SRGAP2C: variants seen among roughly 807,000 people sequenced by gnomAD.
SRGAP2C encodes the protein SLIT-ROBO Rho GTPase-activating protein 2C.
SRGAP2C carries 15 observed loss-of-function variants against 25.1 expected under a neutral mutation model. The observed-to-expected ratio is 0.60, with a 90% CI of 0.40 to 0.92. The LOEUF (loss-of-function observed/expected upper bound fraction) is 0.92. Among genes scored for constraint, SRGAP2C ranks in the 40% least tolerant of loss-of-function variants. The probability of loss-of-function intolerance (pLI) is 0.00; values close to 1 mark genes in which losing one functional copy is unlikely to be tolerated. For synonymous variants in SRGAP2C, 44 were observed against 96.6 expected, an observed-to-expected ratio of 0.46 and a Z score of 3.19; for missense variants, 144 against 264.4, an observed-to-expected ratio of 0.54 and a Z score of 3.16.
chr1:121,280,018 T>A (rs2101562224), intron 2 of SRGAP2C, among the ~76,000 whole-genome samples: 1 of 152,008 alleles, frequency 6.6e-6, no homozygotes, highest in East Asian at 1.9e-4. Flanking sequence ...TTTAATCTTT[T>A]TTTTCAGTGA....
At chr1:121,225,628 C>T (rs1255919269) in intron 2 of SRGAP2C, among the ~76,000 whole-genome samples, 1 of 135,988 alleles carries the variant, frequency 7.4e-6, no homozygotes, top group Non-Finnish European at 1.6e-5. Context: ...TTTGAACTTT[C>T]TTGACTTAGT....
At chr1:121,270,514 G>T (rs868969871) in intron 2 of SRGAP2C, among the ~76,000 whole-genome samples, 1 of 127,632 alleles carries the variant, frequency 7.8e-6, no homozygotes, top group Admixed American at 8.3e-5. Flanking sequence ...TTTATTTATT[G>T]TCTTCCTCTG....
intron 5 of SRGAP2C, among the ~76,000 whole-genome samples, chr1:121,370,646 G>C (rs1553350784): frequency 6.6e-6 from 1 of 152,046 alleles, no homozygotes; most frequent in Non-Finnish European, 1.5e-5. Context: ...GGGTTTCATT[G>C]TGTTAACCAG....
At chr1:121,201,565 A>C (rs1249827786) in intron 2 of SRGAP2C, among the ~76,000 whole-genome samples, 2 of 152,274 alleles carry the variant, frequency 1.3e-5, no homozygotes, top group Non-Finnish European at 2.9e-5. Context: ...AAGAAAAGGC[A>C]TATGCACACT....
At chr1:121,208,231 A>G (rs587738812) in intron 2 of SRGAP2C, among the ~76,000 whole-genome samples, 1 of 152,238 alleles carries the variant, frequency 6.6e-6, no homozygotes, top group East Asian at 1.9e-4. Context: ...CCTATATAAC[A>G]CTGGCTCAAG....
intron 3 of SRGAP2C, among the ~76,000 whole-genome samples, chr1:121,296,154 G>T (rs1424296046): frequency 6.6e-6 from 1 of 150,486 alleles, no homozygotes; most frequent in African/African-American, 2.5e-5. Flanking sequence ...TAAGTTTAAG[G>T]TGTTGGAAGA....
At chr1:121,283,621 A>C in intron 2 of SRGAP2C, among the ~76,000 whole-genome samples, 1 of 147,396 alleles carries the variant, frequency 6.8e-6, no homozygotes, top group Middle Eastern at 3.4e-3. Context: ...AAGGAAAGGC[A>C]TAATATAGGT....
chr1:121,210,097 C>G lies in SRGAP2C; in HGVS notation c.67+22584C>G, dbSNP rs587644572. Among the ~76,000 whole-genome samples the G allele has an allele frequency of 2.6e-5, 4 of 151,570 alleles. No homozygotes were observed. In the East Asian group the frequency reaches 7.9e-4, roughly 30 times the overall value. On this transcript the variant is annotated intron_variant, in intron 2 of 9. Coordinates refer to ENST00000367123, the MANE Select transcript of SRGAP2C (RefSeq NM_001329984.2). ...ATCTTAATCATGACCTAGAATCATT[C>G]TTATTTCACAGCAACCTGTGTCTTG...
chr1:121,267,872 ACT>A (rs1362602869), intron 2 of SRGAP2C, among the ~76,000 whole-genome samples: 1 of 151,112 alleles, frequency 6.6e-6, no homozygotes, highest in African/African-American at 2.4e-5. Flanking sequence ...TAAAGGAATA[ACT>A]CTTGCTTATT....
chr1:121,188,106 T>A (rs1654568478), intron 2 of SRGAP2C, among the ~76,000 whole-genome samples: 2 of 152,174 alleles, frequency 1.3e-5, no homozygotes, highest in East Asian at 3.9e-4. Flanking sequence ...GATCAGAGAA[T>A]AAGGCCACCC....
chr1:121,224,676 A>C (rs1473239046), intron 2 of SRGAP2C, among the ~76,000 whole-genome samples: 1 of 137,358 alleles, frequency 7.3e-6, no homozygotes, highest in African/African-American at 2.8e-5. Context: ...CCTGTGGCCC[A>C]GCTACTCCTG....
intron 3 of SRGAP2C, among the ~76,000 whole-genome samples, chr1:121,314,499 G>A (rs1658048703): frequency 6.6e-6 from 1 of 152,116 alleles, no homozygotes; most frequent in Non-Finnish European, 1.5e-5. Flanking sequence ...GAGGAGAGGC[G>A]CTCTGCGTTT....
intron 4 of SRGAP2C, among the ~76,000 whole-genome samples, chr1:121,356,946 A>T (rs1659077230): frequency 6.6e-6 from 1 of 152,018 alleles, no homozygotes; most frequent in Non-Finnish European, 1.5e-5. Context: ...TCAGACTGGG[A>T]GAGCAGAGGG....
intron 6 of SRGAP2C, among the ~76,000 whole-genome samples, 189 bp downstream of exon 6, chr1:121,374,375 C>T (rs587644528): frequency 2.0e-5 from 3 of 151,732 alleles, no homozygotes; most frequent in South Asian, 2.1e-4. Flanking sequence ...GAACTGGGCA[C>T]GTGGGATCCA....
At chr1:121,360,974 G>T (rs1265895161) in intron 4 of SRGAP2C, 1 of 117,402 alleles carries the variant, frequency 8.5e-6, no homozygotes, top group Non-Finnish European at 1.8e-5. Context: ...GCTGACACAG[G>T]CTAAATGGCA....
At chr1:121,260,382 C>T (rs1393352232) in intron 2 of SRGAP2C, among the ~76,000 whole-genome samples, 1 of 151,794 alleles carries the variant, frequency 6.6e-6, no homozygotes, top group Admixed American at 6.6e-5. Flanking sequence ...GGCAAGAAGG[C>T]CACTGTGGCT....
At chr1:121,380,845 G>T (rs587760483) in intron 7 of SRGAP2C, among the ~76,000 whole-genome samples, 4 of 150,956 alleles carry the variant, frequency 2.6e-5, no homozygotes, top group African/African-American at 9.7e-5. Context: ...AGGGGTAGAG[G>T]TAGTAAGAAT....
At chr1:121,186,433 A>C (rs1347095045) in intron 1 of SRGAP2C, among the ~76,000 whole-genome samples, 9 of 99,760 alleles carry the variant, frequency 9.0e-5, no homozygotes, top group African/African-American at 3.4e-4. Context: ...GTAACCAAAA[A>C]CAAAACAACT....
intron 5 of SRGAP2C, among the ~76,000 whole-genome samples, chr1:121,372,280 T>G (rs2101660477): frequency 6.6e-6 from 1 of 152,326 alleles, no homozygotes; most frequent in East Asian, 1.9e-4. Flanking sequence ...CTTTCTAAGC[T>G]AGATTTTCTC....
Sources: allele counts gnomAD v4.1 joint callset (sites outside exome capture counted in the v4.1 genomes callset), GRCh38; gene constraint gnomAD v4.1.1; transcripts MANE v1.5; gene names NCBI Gene and HGNC (gene_info 2026-07-23, HGNC 2026-07-21).